TMEM267: variants seen among roughly 807,000 people sequenced by gnomAD.
The protein encoded by TMEM267 is transmembrane protein C5orf28.
TMEM267 carries 20 observed loss-of-function variants against 19.3 expected under a neutral mutation model. The ratio of observed to expected loss-of-function variants is 1.04; its 90% confidence interval spans 0.73 to 1.51. The LOEUF is 1.51. Among genes scored for constraint, TMEM267 ranks in the 40% most tolerant of loss-of-function variants. The probability of loss-of-function intolerance (pLI) is 0.00; values close to 1 mark genes in which losing one functional copy is unlikely to be tolerated. For missense variants in TMEM267, 242 were observed against 261.9 expected (o/e 0.92, Z 0.52); for synonymous variants, 88 against 90.3 (o/e 0.97, Z 0.15).
chr5:43,467,488 G>A (rs531895844), intron 1 of TMEM267, among the ~76,000 whole-genome samples: 27 of 152,124 alleles, frequency 1.8e-4, no homozygotes, highest in African/African-American at 6.0e-4. Flanking sequence ...TAAGAGACAA[G>A]GTCACTGTAT....
intron 2 of TMEM267, among the ~76,000 whole-genome samples, chr5:43,450,359 A>G (rs941673793): frequency 2.0e-5 from 3 of 152,206 alleles, no homozygotes; most frequent in Non-Finnish European, 4.4e-5. Context: ...AGAATCATAG[A>G]AGTAAAAATA....
intron 1 of TMEM267, among the ~76,000 whole-genome samples, chr5:43,457,026 A>C (rs1369882435): frequency 6.6e-6 from 1 of 152,226 alleles, no homozygotes; most frequent in Non-Finnish European, 1.5e-5. Flanking sequence ...AGGTGGAATA[A>C]AAAGGAACAA....
At chr5:43,448,796 A>AC (rs1415692240) in intron 2 of TMEM267, among the ~76,000 whole-genome samples, 25 of 146,338 alleles carry the variant, frequency 1.7e-4, no homozygotes, top group African/African-American at 6.4e-4. Context: ...CCCCCCCCAC[A>AC]AAAAAAACTA....
At chr5:43,457,096 G>C (rs972472958) in intron 1 of TMEM267, among the ~76,000 whole-genome samples, 1 of 152,152 alleles carries the variant, frequency 6.6e-6, no homozygotes, top group Admixed American at 6.6e-5. Flanking sequence ...AGTGAAAGAA[G>C]TCAAACAAAC....
intron 1 of TMEM267, among the ~76,000 whole-genome samples, chr5:43,468,369 A>G (rs918587922): frequency 6.6e-6 from 1 of 152,120 alleles, no homozygotes; most frequent in Non-Finnish European, 1.5e-5. Flanking sequence ...AGCTTGCACA[A>G]GTTAAGTCCT....
chr5:43,476,332 C>T (rs1402990061), intron 1 of TMEM267: 1 of 152,228 alleles, frequency 6.6e-6, no homozygotes, highest in African/African-American at 2.4e-5. Flanking sequence ...CTCTCATCCA[C>T]ATCCAGTATC....
chr5:43,448,806 A>G (rs144750819), intron 2 of TMEM267, among the ~76,000 whole-genome samples: 8 of 151,398 alleles, frequency 5.3e-5, no homozygotes, highest in East Asian at 2.0e-4. Context: ...AAAAAAAACT[A>G]TCTCTTGAAC....
rs567678192 is a variant in TMEM267, at chr5:43,444,467, G to A, written c.*1755C>T. 3.3e-5 allele frequency: 5 copies of A among 152,084 alleles called. No individual in the cohort carries two copies. The highest frequency in any genetic ancestry group is 7.3e-5 in the Non-Finnish European group (5 of 68,066). 9.4% of individuals were successfully genotyped at this position (152,084 alleles called of 1,614,324 possible). A position where few individuals can be genotyped will look rare whatever the true frequency, so the allele number is the denominator to read the frequency against. On this transcript the variant is annotated 3_prime_UTR_variant, in exon 3 of 3. Coordinates refer to ENST00000397080, the MANE Select transcript of TMEM267 (RefSeq NM_022483.5). ...TTTTTGTATTTTTAGTAGAGACGGG[G>A]TTTCACCATGTTGGCCAGGCTGGTC...
At chr5:43,461,375 G>C (rs1298814052) in intron 1 of TMEM267, among the ~76,000 whole-genome samples, 7 of 152,096 alleles carry the variant, frequency 4.6e-5, no homozygotes, top group Non-Finnish European at 1.0e-4. Flanking sequence ...GGTGGCTATG[G>C]GAAAAAACTC....
At chr5:43,454,475 C>T (rs1742824475) in intron 1 of TMEM267, 1 of 152,506 alleles carries the variant, frequency 6.6e-6, no homozygotes, top group African/African-American at 2.4e-5. Flanking sequence ...TTTCCATTTC[C>T]CTAATAATGG....
intron 1 of TMEM267, among the ~76,000 whole-genome samples, chr5:43,458,149 G>A (rs1207984429): frequency 6.6e-6 from 1 of 152,118 alleles, no homozygotes; most frequent in South Asian, 2.1e-4. Flanking sequence ...TGTCCAGGCT[G>A]GAGTGCAGTG....
chr5:43,464,166 C>A lies in TMEM267; in HGVS notation c.-74-10123G>T, dbSNP rs1176871641. Among the ~76,000 whole-genome samples the A allele has an allele frequency of 3.3e-5, 5 of 152,034 alleles. 1 individual carries two copies. Among genetic ancestry groups the A allele is most frequent in the African/African-American group, 1.2e-4 (5 of 41,372 alleles). ...AGCATTCTTATACACCAATAACAGA[C>A]AAACAGAGAGCTAAATCATGAGTGA... is the stretch of plus-strand genomic sequence containing the variant. On this transcript the variant is annotated intron_variant, in intron 1 of 2. Coordinates refer to ENST00000397080, the MANE Select transcript of TMEM267 (RefSeq NM_022483.5).
At chr5:43,468,628 T>C (rs185883011) in intron 1 of TMEM267, among the ~76,000 whole-genome samples, 22 of 152,340 alleles carry the variant, frequency 1.4e-4, no homozygotes, top group African/African-American at 5.1e-4. Flanking sequence ...GGCTGTGTTA[T>C]GGATGCATCC....
At chr5:43,482,857 C>T (rs535670673) in intron 1 of TMEM267, among the ~76,000 whole-genome samples, 6 of 152,278 alleles carry the variant, frequency 3.9e-5, no homozygotes, top group South Asian at 4.1e-4. Context: ...TTTAATTATA[C>T]GCTATCATGT....
intron 1 of TMEM267, among the ~76,000 whole-genome samples, chr5:43,456,891 C>T (rs1037527029): frequency 6.6e-6 from 1 of 152,172 alleles, no homozygotes; most frequent in South Asian, 2.1e-4. Flanking sequence ...CATTCCACTT[C>T]TAGGTATTTT....
At chr5:43,474,713 C>A (rs1182597911) in intron 1 of TMEM267, among the ~76,000 whole-genome samples, 1 of 147,302 alleles carries the variant, frequency 6.8e-6, no homozygotes, top group Non-Finnish European at 1.5e-5. Context: ...GAGCCAAGAT[C>A]ACGCCATTGC....
At chr5:43,458,054 T>C (rs1303215265) in intron 1 of TMEM267, among the ~76,000 whole-genome samples, 1 of 152,104 alleles carries the variant, frequency 6.6e-6, no homozygotes, top group Non-Finnish European at 1.5e-5. Flanking sequence ...TGAGCCATCA[T>C]GCCTGGCTAT....
intron 1 of TMEM267, among the ~76,000 whole-genome samples, chr5:43,469,357 C>A (rs557964470): frequency 3.9e-5 from 6 of 152,130 alleles, no homozygotes; most frequent in Admixed American, 2.6e-4. Context: ...TGCAAAAATT[C>A]TCAATAAAAT....
At position 43,476,521 on chromosome 5, in the gene TMEM267, T is replaced by A. The variant is rs1246962189; in HGVS notation, c.-75+7301A>T. ...CAAAAGCCAGACCTTTTTTTTTTTT[T>A]TTTTTTTTTTTTTTTTGCATAAGAA... is the stretch of plus-strand genomic sequence containing the variant. On this transcript the variant is annotated intron_variant, in intron 1 of 2. Transcript: ENST00000397080. 2.6e-3 allele frequency among the ~76,000 whole-genome samples: 382 copies of A among 144,976 alleles called. 5 individuals carry two copies. The highest frequency in any genetic ancestry group is 9.2e-3 in the African/African-American group (357 of 38,696).
Sources: allele counts gnomAD v4.1 joint callset (sites outside exome capture counted in the v4.1 genomes callset), GRCh38; gene constraint gnomAD v4.1.1; transcripts MANE v1.5; gene names NCBI Gene and HGNC (gene_info 2026-07-23, HGNC 2026-07-21).